CREB5: variants seen among roughly 807,000 people sequenced by gnomAD.
CREB5 encodes cyclic AMP-responsive element-binding protein 5.
In CREB5, 19 loss-of-function variants were observed where a neutral mutation model predicts 57.1. That is an observed-to-expected ratio of 0.33 (90% CI 0.23 to 0.49). The LOEUF is 0.49. Ranked by LOEUF, CREB5 falls within the 20% of genes least tolerant of loss-of-function variation. CREB5 has a pLI of 0.99. For synonymous variants in CREB5, 238 were observed against 238.3 expected, an observed-to-expected ratio of 1.00 and a Z score of 0.01; for missense variants, 579 against 671.6, an observed-to-expected ratio of 0.86 and a Z score of 1.52.
intron 1 of CREB5, among the ~76,000 whole-genome samples, chr7:28,471,115 C>T (rs1790785868): frequency 6.6e-6 from 1 of 152,106 alleles, no homozygotes; most frequent in South Asian, 2.1e-4. Flanking sequence ...CTTTGGTTGC[C>T]TGTGCATGTG....
chr7:28,764,533 G>T (rs139063958), intron 7 of CREB5, among the ~76,000 whole-genome samples: 23 of 152,274 alleles, frequency 1.5e-4, no homozygotes, highest in African/African-American at 4.6e-4. Context: ...GCAAATATTC[G>T]TGTTGGATGG....
chr7:28,808,712 C>CTTTTTT lies in CREB5; in HGVS notation c.1027-451_1027-446dup, dbSNP rs59374546. Among the ~76,000 whole-genome samples the CTTTTTT allele has an allele frequency of 3.6e-4, 30 of 83,196 alleles. 1 individual carries two copies. Among genetic ancestry groups the CTTTTTT allele is most frequent in the African/African-American group, 1.2e-3 (22 of 18,882 alleles). The allele number at this position is 83,196 out of a possible 152,430, so 54.6% of individuals were successfully genotyped here. A position where few individuals can be genotyped will look rare whatever the true frequency, so the allele number is the denominator to read the frequency against. On this transcript the variant is annotated intron_variant, in intron 8 of 10. Transcript: ENST00000357727. ...CGCCACCATGCCTGGCCAATTTTTC[C>CTTTTTT]TTTTTTTTTTTTTTTTTTTTTTTTT...
rs865799956 is a variant in CREB5, at chr7:28,593,851, G to A, written c.464+23314G>A. 7.9e-5 allele frequency among the ~76,000 whole-genome samples: 12 copies of A among 152,170 alleles called. No homozygotes were observed. The East Asian group carries it at 1.5e-3, about 20-fold the overall frequency. The stretch of plus-strand genomic sequence containing the variant: ...GAGAGGACCCATTAATTTTGGATCC[G>A]TTAGTGACATAAAGCCTGCCAAGTG... On this transcript the variant is annotated intron_variant, in intron 5 of 10. Transcript: ENST00000357727.
At chr7:28,720,235 C>T (rs1488870890) in intron 6 of CREB5, among the ~76,000 whole-genome samples, 2 of 152,202 alleles carry the variant, frequency 1.3e-5, no homozygotes, top group African/African-American at 2.4e-5. Flanking sequence ...GCCCTAGAGG[C>T]AGTGTAACAA....
chr7:28,353,510 T>C (rs1786277419), intron 1 of CREB5, among the ~76,000 whole-genome samples: 2 of 151,958 alleles, frequency 1.3e-5, no homozygotes, highest in Admixed American at 1.3e-4. Flanking sequence ...TGCATACATA[T>C]AAGATAAAGT....
At chr7:28,524,648 C>T (rs1458814688) in intron 4 of CREB5, among the ~76,000 whole-genome samples, 1 of 152,100 alleles carries the variant, frequency 6.6e-6, no homozygotes, top group African/African-American at 2.4e-5. Flanking sequence ...AGAAATGCTT[C>T]TATTCATTCA....
intron 7 of CREB5, among the ~76,000 whole-genome samples, chr7:28,795,856 C>A (rs184094189): frequency 6.6e-6 from 1 of 151,252 alleles, no homozygotes; most frequent in Non-Finnish European, 1.5e-5. Context: ...GGAATTCAAG[C>A]AATTCTCCTG....
At chr7:28,593,835 C>T (rs1204817483) in intron 5 of CREB5, among the ~76,000 whole-genome samples, 2 of 152,130 alleles carry the variant, frequency 1.3e-5, no homozygotes, top group Non-Finnish European at 2.9e-5. Context: ...AGAGAGGACC[C>T]ATTAATTTTG....
intron 5 of CREB5, among the ~76,000 whole-genome samples, chr7:28,630,721 T>A: frequency 6.6e-6 from 1 of 152,220 alleles, no homozygotes; most frequent in East Asian, 1.9e-4. Flanking sequence ...GACAATAGTG[T>A]GGCTAAGAGT....
At chr7:28,530,088 A>G (rs930580815) in intron 4 of CREB5, among the ~76,000 whole-genome samples, 2 of 152,168 alleles carry the variant, frequency 1.3e-5, no homozygotes, top group Non-Finnish European at 2.9e-5. Context: ...TAAACTCAAG[A>G]CTGCCCAATT....
chr7:28,451,970 C>T (rs1379573469), intron 1 of CREB5, among the ~76,000 whole-genome samples: 8 of 152,178 alleles, frequency 5.3e-5, no homozygotes, highest in Non-Finnish European at 1.0e-4. Flanking sequence ...GAAGGTGTCA[C>T]TCTGCATGGT....
intron 5 of CREB5, among the ~76,000 whole-genome samples, chr7:28,599,133 T>C (rs933582348): frequency 2.6e-5 from 4 of 152,162 alleles, no homozygotes; most frequent in African/African-American, 9.7e-5. Context: ...TAATTTGATC[T>C]GTAGGATGTG....
chr7:28,736,772 A>G (rs1804003580), intron 7 of CREB5, among the ~76,000 whole-genome samples: 2 of 151,502 alleles, frequency 1.3e-5, no homozygotes, highest in Non-Finnish European at 2.9e-5. Flanking sequence ...ACAATTAGCC[A>G]GCAAATATTT....
intron 1 of CREB5, among the ~76,000 whole-genome samples, chr7:28,453,196 C>CGGA (rs1009952247): frequency 1.2e-4 from 19 of 152,018 alleles, no homozygotes; most frequent in Non-Finnish European, 1.9e-4. Flanking sequence ...CCAGCACTTT[C>CGGA]GGAGGCCAAG....
chr7:28,599,942 T>C (rs1402577089), intron 5 of CREB5, among the ~76,000 whole-genome samples: 1 of 152,144 alleles, frequency 6.6e-6, no homozygotes, highest in African/African-American at 2.4e-5. Flanking sequence ...TTTCTGCTTC[T>C]TATAAAGACC....
Position 28,451,450 on chromosome 7 carries a change from CTGTGTGTGTGTGTG to C in CREB5, c.4-36695_4-36682del, listed in dbSNP as rs6150047. ...GGTGCCATTCTGTCCCTTTGCCAAA[CTGTGTGTGTGTGTG>C]TGTGTGTGTGTGTGTGTGTGTGTGT... On this transcript the variant is annotated intron_variant, in intron 1 of 10. Transcript: ENST00000357727. Among the ~76,000 whole-genome samples, 296 of 146,928 alleles carry C rather than the reference CTGTGTGTGTGTGTG, an allele frequency of 2.0e-3. 1 individual carries two copies. Among genetic ancestry groups the C allele is most frequent in the African/African-American group, 5.7e-3 (225 of 39,516 alleles).
At chr7:28,522,390 GT>G (rs11291433) in intron 4 of CREB5, among the ~76,000 whole-genome samples, 50,775 of 97,484 alleles carry the variant, frequency 0.52, 11,728 homozygotes, top group East Asian at 0.71. Flanking sequence ...CCTGCTCTTT[GT>G]TTTTTTTTTT....
chr7:28,779,709 G>A (rs1806862177), intron 7 of CREB5, among the ~76,000 whole-genome samples: 1 of 152,178 alleles, frequency 6.6e-6, no homozygotes, highest in Non-Finnish European at 1.5e-5. Flanking sequence ...TTGTCATCTA[G>A]ACTAGTTCTC....
intron 1 of CREB5, among the ~76,000 whole-genome samples, chr7:28,388,726 T>C (rs1787157173): frequency 6.6e-6 from 1 of 152,212 alleles, no homozygotes; most frequent in African/African-American, 2.4e-5. Context: ...CTGAACTCCT[T>C]GCTTACTTCT....
Sources: allele counts gnomAD v4.1 joint callset (sites outside exome capture counted in the v4.1 genomes callset), GRCh38; gene constraint gnomAD v4.1.1; transcripts MANE v1.5; gene names NCBI Gene and HGNC (gene_info 2026-07-23, HGNC 2026-07-21).